The following NELL1 variants were observed in gnomAD, a reference collection of about 807,000 sequenced individuals.
NELL1 encodes neural EGFL like 1.
In NELL1, 76 loss-of-function variants were observed where a neutral mutation model predicts 107.4. The ratio of observed to expected loss-of-function variants is 0.71; its 90% CI spans 0.59 to 0.86. NELL1 has a LOEUF of 0.86. NELL1 is among the 40% of genes least tolerant of loss of function. NELL1 has a pLI of 0.00. For missense variants in NELL1, 1,024 were observed against 1,005.5 expected, an observed-to-expected ratio of 1.02 and a Z score of -0.25; for synonymous variants, 353 against 341.2, an observed-to-expected ratio of 1.03 and a Z score of -0.38.
intron 12 of NELL1, among the ~76,000 whole-genome samples, chr11:21,112,433 A>G (rs1412750584): frequency 6.6e-6 from 1 of 152,054 alleles, no homozygotes; most frequent in Non-Finnish European, 1.5e-5. Context: ...TTATTGTAAT[A>G]GAAATACTGT....
intron 12 of NELL1, among the ~76,000 whole-genome samples, chr11:21,080,995 T>C (rs1246813256): frequency 6.6e-6 from 1 of 152,022 alleles, no homozygotes; most frequent in Non-Finnish European, 1.5e-5. Flanking sequence ...TCTTGCTCTG[T>C]CACCCACATC....
chr11:21,450,350 A>C (rs1853546871), intron 15 of NELL1, among the ~76,000 whole-genome samples: 1 of 152,228 alleles, frequency 6.6e-6, no homozygotes, highest in Non-Finnish European at 1.5e-5. Flanking sequence ...CGGAAAACAG[A>C]CAACAAAACA....
chr11:21,096,371 C>G (rs898710639), intron 12 of NELL1, among the ~76,000 whole-genome samples: 1 of 152,204 alleles, frequency 6.6e-6, no homozygotes, highest in African/African-American at 2.4e-5. Flanking sequence ...TTTGGGGATA[C>G]AGCTCTCCTA....
chr11:21,045,595 A>G (rs1040933142), intron 12 of NELL1, among the ~76,000 whole-genome samples: 1 of 152,142 alleles, frequency 6.6e-6, no homozygotes, highest in African/African-American at 2.4e-5. Flanking sequence ...CTGGAAAGAT[A>G]CCTGTTTAAT....
At chr11:21,396,042 A>G (rs1182441985) in intron 15 of NELL1, among the ~76,000 whole-genome samples, 1 of 151,562 alleles carries the variant, frequency 6.6e-6, no homozygotes, top group Non-Finnish European at 1.5e-5. Flanking sequence ...TGGCTGAGGC[A>G]GTTTTCACTT....
chr11:20,756,367 C>T (rs1007000551), intron 2 of NELL1, among the ~76,000 whole-genome samples: 1 of 151,682 alleles, frequency 6.6e-6, no homozygotes, highest in Non-Finnish European at 1.5e-5. Flanking sequence ...GAGATGGAGT[C>T]TCACTCTTTC....
In NELL1 at chr11:21,276,669, A is replaced by C. The variant is rs953375507; in HGVS notation, c.1549+47215A>C. 5.9e-3 allele frequency among the ~76,000 whole-genome samples: 891 copies of C among 152,294 alleles called. 7 individuals are homozygous for C. Among genetic ancestry groups the C allele is most frequent in the African/African-American group, 0.021 (856 of 41,554 alleles). ...ACTATACTACAAGGCTACAGTAACC[A>C]AAACAGCATGGTACTGGTGCCAAAA... On this transcript the variant is annotated intron_variant, in intron 14 of 19. Coordinates refer to ENST00000357134, the MANE Select transcript of NELL1 (RefSeq NM_006157.5).
At chr11:21,438,973 T>C (rs916793986) in intron 15 of NELL1, among the ~76,000 whole-genome samples, 1 of 151,870 alleles carries the variant, frequency 6.6e-6, no homozygotes, top group Non-Finnish European at 1.5e-5. Context: ...GGTTGACTCA[T>C]GAGAGGCAAG....
intron 3 of NELL1, among the ~76,000 whole-genome samples, chr11:20,786,426 G>A (rs967395160): frequency 2.0e-5 from 3 of 151,932 alleles, no homozygotes; most frequent in African/African-American, 7.3e-5. Flanking sequence ...GCCAAAGAAG[G>A]TGAGGCATAG....
At chr11:21,376,753 A>C (rs1851491015) in intron 15 of NELL1, among the ~76,000 whole-genome samples, 1 of 152,182 alleles carries the variant, frequency 6.6e-6, no homozygotes, top group East Asian at 1.9e-4. Context: ...TTCTCCTTGT[A>C]GAAGTATTTC....
rs548930430 is a variant in NELL1 at position 20,704,603 on chromosome 11, T to C, written c.184+26543T>C. Among the ~76,000 whole-genome samples the C allele has an allele frequency of 4.3e-4, 66 of 152,344 alleles. 1 individual carries two copies. Among genetic ancestry groups the C allele is most frequent in the African/African-American group, 1.4e-3 (57 of 41,582 alleles). ...TGATGCAGTTTCTTCCTAGCCTTGA[T>C]GGTCTTTAGAGTTTGGCATGTTTTT... On this transcript the variant is annotated intron_variant, in intron 2 of 19. Coordinates refer to ENST00000357134, the MANE Select transcript of NELL1 (RefSeq NM_006157.5).
chr11:21,233,140 G>A (rs1858108709), intron 14 of NELL1, among the ~76,000 whole-genome samples: 1 of 152,180 alleles, frequency 6.6e-6, no homozygotes. Flanking sequence ...TTCCGTGGTG[G>A]TCGATGCCCA....
intron 2 of NELL1, among the ~76,000 whole-genome samples, chr11:20,696,131 C>T (rs117141858): frequency 1.3e-5 from 2 of 151,956 alleles, no homozygotes; most frequent in Non-Finnish European, 2.9e-5. Context: ...GAAATGTCAC[C>T]TTTGTTGTTT....
intron 14 of NELL1, among the ~76,000 whole-genome samples, chr11:21,248,596 G>T (rs1858555713): frequency 6.6e-6 from 1 of 152,026 alleles, no homozygotes; most frequent in Non-Finnish European, 1.5e-5. Context: ...TGAGGAGAAA[G>T]TAGGTGGTGA....
At chr11:21,304,867 A>T (rs147704949) in intron 14 of NELL1, among the ~76,000 whole-genome samples, 348 of 152,150 alleles carry the variant, frequency 2.3e-3, no homozygotes, top group African/African-American at 7.9e-3. Flanking sequence ...CACTTTTTAA[A>T]GGAAGATGGG....
chr11:21,091,542 G>A (rs1854521071), intron 12 of NELL1, among the ~76,000 whole-genome samples: 1 of 152,124 alleles, frequency 6.6e-6, no homozygotes, highest in Non-Finnish European at 1.5e-5. Flanking sequence ...AGGGTCTACT[G>A]TTATCTCACC....
chr11:21,449,085 AC>A (rs1345498771), intron 15 of NELL1, among the ~76,000 whole-genome samples: 3 of 152,216 alleles, frequency 2.0e-5, no homozygotes, highest in Admixed American at 6.5e-5. Flanking sequence ...TGAAATGGCT[AC>A]ATCATGTATA....
At chr11:21,056,365 G>C (rs1853615395) in intron 12 of NELL1, among the ~76,000 whole-genome samples, 2 of 152,190 alleles carry the variant, frequency 1.3e-5, no homozygotes, top group South Asian at 4.2e-4. Context: ...GGGATCTCAG[G>C]GTAAAGAGGT....
intron 15 of NELL1, among the ~76,000 whole-genome samples, chr11:21,519,376 G>A (rs1433361229): frequency 1.3e-5 from 2 of 152,124 alleles, no homozygotes; most frequent in Admixed American, 6.6e-5. Context: ...AGTATGTTGT[G>A]TGGGACCAGA....
Sources: gnomAD v4.1 joint callset for allele counts (sites outside exome capture counted in the v4.1 genomes callset) on GRCh38, gnomAD v4.1.1 for gene constraint, MANE v1.5 for transcripts, NCBI Gene and HGNC (gene_info 2026-07-23, HGNC 2026-07-21) for gene names.